The following MACROD2 variants were observed in gnomAD, a reference collection of about 807,000 sequenced individuals.
MACROD2 encodes the protein mono-ADP ribosylhydrolase 2.
In MACROD2, 36 loss-of-function variants were observed where a neutral mutation model predicts 70.4. The ratio of observed to expected loss-of-function variants is 0.51; its 90% CI spans 0.39 to 0.68. The LOEUF is 0.68. MACROD2 is among the 30% of genes least tolerant of loss of function. The pLI, the probability that MACROD2 is intolerant of heterozygous loss-of-function variation, is 0.00. For synonymous variants in MACROD2, 172 were observed against 178.8 expected, an observed-to-expected ratio of 0.96 and a Z score of 0.30; for missense variants, 496 against 538.4, an observed-to-expected ratio of 0.92 and a Z score of 0.78.
intron 3 of MACROD2, among the ~76,000 whole-genome samples, chr20:14,279,682 A>G (rs1443444774): frequency 1.3e-5 from 2 of 152,096 alleles, no homozygotes; most frequent in Non-Finnish European, 2.9e-5. Flanking sequence ...TCTTCATGAT[A>G]CTCTAATACT....
At chr20:15,910,998 C>G (rs1201648175) in intron 10 of MACROD2, among the ~76,000 whole-genome samples, 1 of 152,212 alleles carries the variant, frequency 6.6e-6, no homozygotes, top group East Asian at 1.9e-4. Context: ...AAGATGACCA[C>G]TAACTGCTCT....
chr20:14,979,093 A>G (rs975385163), intron 5 of MACROD2, among the ~76,000 whole-genome samples: 1 of 145,808 alleles, frequency 6.9e-6, no homozygotes, highest in East Asian at 2.0e-4. Context: ...CTAGGACTAC[A>G]TGTACACACC....
rs572768701 is a variant in MACROD2 at position 15,351,479 on chromosome 20, G to A, written c.541-79926G>A. ...GTGTGTTGTTACATATCAATTCCATGAGAGTAACACAACCTGACTCCACAG... is the reference window on the plus strand; with the variant it reads ...GTGTGTTGTTACATATCAATTCCATAAGAGTAACACAACCTGACTCCACAG... On this transcript the variant is annotated intron_variant, in intron 6 of 17. Transcript: ENST00000684519. 1.1e-4 allele frequency among the ~76,000 whole-genome samples: 16 copies of A among 152,222 alleles called. No individual in the cohort carries two copies. In the South Asian group the frequency reaches 1.2e-3, roughly 12 times the overall value.
intron 4 of MACROD2, among the ~76,000 whole-genome samples, chr20:14,576,741 T>G (rs1479942300): frequency 6.6e-6 from 1 of 152,116 alleles, no homozygotes; most frequent in Non-Finnish European, 1.5e-5. Context: ...TTTTAAAACT[T>G]CTGGTATATT....
At chr20:14,268,381 A>G (rs1179271235) in intron 3 of MACROD2, among the ~76,000 whole-genome samples, 1 of 152,068 alleles carries the variant, frequency 6.6e-6, no homozygotes, top group African/African-American at 2.4e-5. Flanking sequence ...TTGCCTTTTA[A>G]TTTTTATAGT....
intron 5 of MACROD2, among the ~76,000 whole-genome samples, chr20:14,874,792 C>T (rs967062250): frequency 9.9e-5 from 15 of 151,846 alleles, no homozygotes; most frequent in African/African-American, 1.5e-4. Context: ...GCAGCCTCCA[C>T]CTCCTGGGTT....
At chr20:15,273,417 CAT>C (rs59038211) in intron 6 of MACROD2, among the ~76,000 whole-genome samples, 25 of 147,328 alleles carry the variant, frequency 1.7e-4, no homozygotes, top group Admixed American at 1.4e-4. Flanking sequence ...AACTCCCCTC[CAT>C]ATATATATAT....
At chr20:14,821,127 A>C (rs1299962213) in intron 5 of MACROD2, among the ~76,000 whole-genome samples, 1 of 152,112 alleles carries the variant, frequency 6.6e-6, no homozygotes, top group Non-Finnish European at 1.5e-5. Context: ...TTTCATATGA[A>C]ATGTATTTGC....
chr20:14,944,380 A>G (rs1600856190), intron 5 of MACROD2, among the ~76,000 whole-genome samples: 1 of 152,162 alleles, frequency 6.6e-6, no homozygotes. Context: ...TTCTTCATGT[A>G]AGAAGATGAA....
chr20:16,014,364 G>T (rs1013064367), intron 15 of MACROD2, among the ~76,000 whole-genome samples: 1 of 152,180 alleles, frequency 6.6e-6, no homozygotes, highest in Admixed American at 6.5e-5. Context: ...ATATTCTCCG[G>T]TTCTAAAAGA....
At chr20:15,144,246 C>G (rs1379773661) in intron 5 of MACROD2, among the ~76,000 whole-genome samples, 2 of 152,060 alleles carry the variant, frequency 1.3e-5, no homozygotes, top group African/African-American at 2.4e-5. Context: ...ACCACTGCAC[C>G]TGGCCTACAA....
chr20:15,288,658 C>T (rs570601485), intron 6 of MACROD2, among the ~76,000 whole-genome samples: 2 of 152,278 alleles, frequency 1.3e-5, no homozygotes, highest in South Asian at 2.1e-4. Flanking sequence ...CACATTGGAA[C>T]TCTGGGTTCT....
At chr20:14,338,980 G>C (rs62207606) in intron 3 of MACROD2, among the ~76,000 whole-genome samples, 3 of 152,164 alleles carry the variant, frequency 2.0e-5, no homozygotes, top group Admixed American at 2.0e-4. Context: ...ATCTTTATTT[G>C]CTCTATTCTT....
chr20:15,018,560 A>G (rs1253842439), intron 5 of MACROD2, among the ~76,000 whole-genome samples: 1 of 152,126 alleles, frequency 6.6e-6, no homozygotes, highest in Non-Finnish European at 1.5e-5. Context: ...TTACTGGATT[A>G]GTCAGGATTC....
chr20:14,963,723 C>T (rs746999264), intron 5 of MACROD2, among the ~76,000 whole-genome samples: 2 of 152,090 alleles, frequency 1.3e-5, no homozygotes, highest in Admixed American at 1.3e-4. Context: ...AATAGCTTTT[C>T]GAAATTCTTG....
intron 5 of MACROD2, among the ~76,000 whole-genome samples, chr20:14,926,555 A>C (rs909220691): frequency 1.3e-5 from 2 of 152,126 alleles, no homozygotes; most frequent in East Asian, 3.9e-4. Flanking sequence ...TCAAAAAAAA[A>C]AAAAGGAAGC....
At chr20:15,873,182 A>G (rs1389569161) in intron 9 of MACROD2, among the ~76,000 whole-genome samples, 2 of 152,192 alleles carry the variant, frequency 1.3e-5, no homozygotes, top group African/African-American at 2.4e-5. Flanking sequence ...CAAATTGTGC[A>G]CTGTGTTTGC....
intron 8 of MACROD2, among the ~76,000 whole-genome samples, chr20:15,658,600 C>A (rs918679649): frequency 1.3e-5 from 2 of 152,182 alleles, no homozygotes; most frequent in African/African-American, 4.8e-5. Context: ...CAGTGGTCAT[C>A]GTGTCAGAAT....
At chr20:15,120,557 C>T (rs2076022901) in intron 5 of MACROD2, among the ~76,000 whole-genome samples, 1 of 152,130 alleles carries the variant, frequency 6.6e-6, no homozygotes, top group Non-Finnish European at 1.5e-5. Flanking sequence ...TGCAAATGCT[C>T]TCTTATTCAA....
Sources: allele counts gnomAD v4.1 joint callset (sites outside exome capture counted in the v4.1 genomes callset), GRCh38; gene constraint gnomAD v4.1.1; transcripts MANE v1.5; gene names NCBI Gene and HGNC (gene_info 2026-07-23, HGNC 2026-07-21).